Variants in DACH2 observed in about 807,000 individuals in gnomAD.
DACH2 encodes the protein dachshund family transcription factor 2, also known as dachshund homolog 2.
In DACH2, 17 loss-of-function variants were observed where a neutral mutation model predicts 35.8. The observed-to-expected ratio is 0.48, with a 90% confidence interval of 0.33 to 0.71. DACH2 has a LOEUF of 0.71. Among genes scored for constraint, DACH2 ranks in the 30% least tolerant of loss-of-function variants. DACH2 has a pLI of 0.02. For synonymous variants in DACH2, 195 were observed against 177.3 expected, an observed-to-expected ratio of 1.10 and a Z score of -0.79; for missense variants, 469 against 472.7, an observed-to-expected ratio of 0.99 and a Z score of 0.07.
intron 2 of DACH2, among the ~76,000 whole-genome samples, chrX:86,505,910 T>C (rs771295263): frequency 8.9e-6 from 1 of 111,958 alleles, no homozygotes; most frequent in Admixed American, 9.5e-5. Context: ...AATTCATAGA[T>C]TATTAAGTTT....
rs762771290 is a variant in DACH2, at chrX:86,608,057, G to A, written c.641-42979G>A. ...GTGAATAATGCCACAATAAACATAC[G>A]TGTGCATGTGTCTTTATAGCAGCAT... On this transcript the variant is annotated intron_variant, in intron 3 of 11. Coordinates refer to ENST00000373125, the MANE Select transcript of DACH2 (RefSeq NM_053281.3). Among the ~76,000 whole-genome samples, 239 of 108,591 alleles carry A rather than the reference G, an allele frequency of 2.2e-3. 2 individuals carry two copies. Among genetic ancestry groups the A allele is most frequent in the African/African-American group, 7.7e-3 (228 of 29,776 alleles). The allele number at this position is 108,591 out of a possible 115,157, so 94.3% of individuals were successfully genotyped here. A position where few individuals can be genotyped will look rare whatever the true frequency, so the allele number is the denominator to read the frequency against.
At chrX:86,724,540 A>T (rs951990481) in intron 6 of DACH2, among the ~76,000 whole-genome samples, 5 of 111,777 alleles carry the variant, frequency 4.5e-5, no homozygotes, top group African/African-American at 1.6e-4. Context: ...CTGGCCTGTA[A>T]CATTTCAGCT....
chrX:86,212,524 A>G (rs1018313580), intron 1 of DACH2, among the ~76,000 whole-genome samples: 2 of 111,095 alleles, frequency 1.8e-5, no homozygotes, highest in Non-Finnish European at 3.8e-5. Context: ...TTATCAAGCC[A>G]GGCTGATTGG....
intron 4 of DACH2, among the ~76,000 whole-genome samples, chrX:86,692,196 G>C (rs1343375601): frequency 9.0e-6 from 1 of 111,286 alleles, no homozygotes; most frequent in Admixed American, 9.6e-5. Flanking sequence ...GTGGAGGTGG[G>C]AGGAGATGGA....
chrX:86,609,984 A>C (rs1181999917), intron 3 of DACH2, among the ~76,000 whole-genome samples: 1 of 111,211 alleles, frequency 9.0e-6, no homozygotes, highest in Admixed American at 9.6e-5. Context: ...TATTTACTTA[A>C]TGACCTGGGA....
chrX:86,614,063 C>T (rs1005700585), intron 3 of DACH2, among the ~76,000 whole-genome samples: 1 of 111,896 alleles, frequency 8.9e-6, no homozygotes, highest in Non-Finnish European at 1.9e-5. Context: ...AACTACATCA[C>T]AGTAACGTCA....
At chrX:86,679,757 T>A (rs1475789403) in intron 4 of DACH2, among the ~76,000 whole-genome samples, 2 of 110,112 alleles carry the variant, frequency 1.8e-5, no homozygotes, top group Non-Finnish European at 3.8e-5. Flanking sequence ...AAGTGTCTGC[T>A]ACTTTTGCTG....
rs181513010 is a variant in DACH2 at position 86,808,579 on chromosome X, G to T, written c.1241-4277G>T. On this transcript the variant is annotated intron_variant, in intron 7 of 11. Transcript: ENST00000373125. ...AGTTGGTCATTTTATTGTTGTAATT[G>T]TTCCTCAGTTTGTTAGAGGGAAGCA... is the stretch of plus-strand genomic sequence containing the variant. Among the ~76,000 whole-genome samples the T allele has an allele frequency of 2.8e-5, 3 of 107,973 alleles. No homozygotes were observed. In the East Asian group the frequency reaches 8.7e-4, roughly 31 times the overall value. 93.8% of individuals were successfully genotyped at this position (107,973 alleles called of 115,157 possible).
At chrX:86,595,121 A>AT (rs1169288088) in intron 3 of DACH2, among the ~76,000 whole-genome samples, 10 of 110,629 alleles carry the variant, frequency 9.0e-5, no homozygotes, top group African/African-American at 2.6e-4. Context: ...TCAATTATAT[A>AT]TTTTTTAATT....
At chrX:86,203,111 G>T (rs1569300679) in intron 1 of DACH2, among the ~76,000 whole-genome samples, 1 of 111,135 alleles carries the variant, frequency 9.0e-6, no homozygotes, top group Non-Finnish European at 1.9e-5. Flanking sequence ...AAAGTATAAA[G>T]AATTTATAGA....
chrX:86,526,362 T>C (rs946474689), intron 3 of DACH2, among the ~76,000 whole-genome samples: 2 of 111,415 alleles, frequency 1.8e-5, no homozygotes, highest in Non-Finnish European at 3.8e-5. Context: ...CTTTTAAAAA[T>C]TGATAGACAA....
intron 3 of DACH2, among the ~76,000 whole-genome samples, chrX:86,598,103 G>A (rs1175586306): frequency 9.0e-6 from 1 of 110,811 alleles, no homozygotes; most frequent in Non-Finnish European, 1.9e-5. Context: ...GAAAAGACCT[G>A]CCCCCATGAT....
chrX:86,776,162 C>A (rs897888815), intron 7 of DACH2, among the ~76,000 whole-genome samples: 2 of 111,883 alleles, frequency 1.8e-5, no homozygotes, highest in African/African-American at 3.2e-5. Context: ...GTTTAGACTG[C>A]TATAACAAGA....
intron 1 of DACH2, among the ~76,000 whole-genome samples, chrX:86,355,208 C>T (rs1056108863): frequency 3.6e-5 from 4 of 112,302 alleles, no homozygotes; most frequent in Non-Finnish European, 5.6e-5. Context: ...CCTCCAGCTC[C>T]ATCCATCTTG....
chrX:86,299,491 A>G (rs2034532798), intron 1 of DACH2, among the ~76,000 whole-genome samples: 2 of 111,908 alleles, frequency 1.8e-5, no homozygotes. Flanking sequence ...TATGTTAGCT[A>G]TTGAATTTCT....
chrX:86,491,569 T>C (rs1465285437), intron 2 of DACH2, among the ~76,000 whole-genome samples: 1 of 111,661 alleles, frequency 9.0e-6, no homozygotes, highest in Non-Finnish European at 1.9e-5. Flanking sequence ...TTCCACCCTT[T>C]ATTTTCACAG....
At chrX:86,796,023 AC>A (rs1448698053) in intron 7 of DACH2, among the ~76,000 whole-genome samples, 1 of 111,478 alleles carries the variant, frequency 9.0e-6, no homozygotes, top group Non-Finnish European at 1.9e-5. Context: ...GTGGAGGGGG[AC>A]CTGAGCGGGT....
At chrX:86,799,468 G>C (rs768639780) in intron 7 of DACH2, among the ~76,000 whole-genome samples, 1 of 111,814 alleles carries the variant, frequency 8.9e-6, no homozygotes, top group African/African-American at 3.2e-5. Context: ...GGTGATTTCT[G>C]CATTTCCAAC....
chrX:86,813,384 C>T (rs1044798943), intron 9 of DACH2, 107 bp downstream of exon 9: 5 of 682,757 alleles, frequency 7.3e-6, no homozygotes, highest in East Asian at 3.9e-5. Flanking sequence ...GGGAGGATCA[C>T]GAGGTCAGGA....
Sources: allele counts gnomAD v4.1 joint callset (sites outside exome capture counted in the v4.1 genomes callset), GRCh38; gene constraint gnomAD v4.1.1; transcripts MANE v1.5; gene names NCBI Gene and HGNC (gene_info 2026-07-23, HGNC 2026-07-21).